The following KAZN variants were observed in gnomAD, a reference collection of about 807,000 sequenced individuals.
KAZN encodes kazrin, periplakin interacting protein.
KAZN carries 40 observed loss-of-function variants against 87.4 expected under a neutral mutation model. The ratio of observed to expected loss-of-function variants is 0.46; its 90% CI spans 0.36 to 0.60. KAZN has a LOEUF of 0.60. KAZN is among the 20% of genes least tolerant of loss of function. The pLI is 0.00. For missense variants in KAZN, 898 were observed against 1,073.9 expected (o/e 0.84, Z 2.29); for synonymous variants, 466 against 458.3 (o/e 1.02, Z -0.22).
chr1:14,387,078 G>T (rs977735206), intron 2 of KAZN, among the ~76,000 whole-genome samples: 2 of 151,962 alleles, frequency 1.3e-5, no homozygotes, highest in African/African-American at 4.8e-5. Flanking sequence ...TTCCATCGCT[G>T]ATACCCTTTC....
At chr1:14,890,930 G>A (rs189865972) in intron 1 of KAZN, among the ~76,000 whole-genome samples, 1 of 142,380 alleles carries the variant, frequency 7.0e-6, no homozygotes, top group East Asian at 2.1e-4. Flanking sequence ...TGCAAGCTCT[G>A]CCTCCCGGGT....
chr1:14,620,903 A>T (rs1425834518), intron 1 of KAZN, among the ~76,000 whole-genome samples: 1 of 152,178 alleles, frequency 6.6e-6, no homozygotes, highest in Admixed American at 6.5e-5. Flanking sequence ...TTTCCATGAA[A>T]GTGTCCCCAT....
chr1:14,383,663 C>G (rs1178808695), intron 2 of KAZN, among the ~76,000 whole-genome samples: 1 of 152,058 alleles, frequency 6.6e-6, no homozygotes, highest in East Asian at 1.9e-4. Flanking sequence ...CTGTTCTGTT[C>G]CATTGATCTC....
intron 1 of KAZN, among the ~76,000 whole-genome samples, chr1:14,659,881 TAA>T (rs1039344560): frequency 2.1e-5 from 3 of 140,086 alleles, no homozygotes; most frequent in Admixed American, 7.2e-5. Flanking sequence ...ACACATTCTT[TAA>T]AAAAAAAAAA....
chr1:15,034,528 G>A (rs914420265), intron 2 of KAZN, among the ~76,000 whole-genome samples: 1 of 152,234 alleles, frequency 6.6e-6, no homozygotes, highest in South Asian at 2.1e-4. Context: ...GATTGACACA[G>A]CTGAGAGGGG....
chr1:14,633,689 T>C (rs1468653127), intron 1 of KAZN, among the ~76,000 whole-genome samples: 1 of 152,154 alleles, frequency 6.6e-6, no homozygotes, highest in Non-Finnish European at 1.5e-5. Context: ...AGCATTAGAA[T>C]GACACACAGT....
At chr1:15,011,293 T>C (rs1400694797) in intron 2 of KAZN, among the ~76,000 whole-genome samples, 1 of 152,204 alleles carries the variant, frequency 6.6e-6, no homozygotes, top group Non-Finnish European at 1.5e-5. Flanking sequence ...ATGCTCTTGT[T>C]ATCTCTAAAT....
intron 1 of KAZN, among the ~76,000 whole-genome samples, chr1:14,891,390 A>G (rs1205971331): frequency 6.6e-6 from 1 of 152,108 alleles, no homozygotes; most frequent in Non-Finnish European, 1.5e-5. Context: ...GCTCCCACTT[A>G]TGAGTGAGAA....
chr1:14,100,516 G>C (rs1644226627), intron 1 of KAZN, among the ~76,000 whole-genome samples: 1 of 152,172 alleles, frequency 6.6e-6, no homozygotes, highest in Non-Finnish European at 1.5e-5. Flanking sequence ...GCTTCCAAGA[G>C]TCCCCTCACT....
intron 2 of KAZN, among the ~76,000 whole-genome samples, chr1:15,030,629 G>T (rs1189717295): frequency 6.6e-6 from 1 of 152,210 alleles, no homozygotes; most frequent in Admixed American, 6.5e-5. Flanking sequence ...CATGTTAGGG[G>T]GCAGGGCACA....
At chr1:14,556,441 T>C (rs1166287498) in intron 2 of KAZN, among the ~76,000 whole-genome samples, 1 of 152,114 alleles carries the variant, frequency 6.6e-6, no homozygotes, top group Admixed American at 6.5e-5. Context: ...CAGCACCCCA[T>C]TAATTCATAA....
chr1:14,236,421 G>A (rs188947343), intron 2 of KAZN, among the ~76,000 whole-genome samples: 26 of 152,276 alleles, frequency 1.7e-4, no homozygotes, highest in African/African-American at 6.3e-4. Context: ...AGATAACTCA[G>A]GGTAGGAAAA....
At chr1:13,895,168 T>C (rs1380533018) in intron 1 of KAZN, among the ~76,000 whole-genome samples, 7 of 152,174 alleles carry the variant, frequency 4.6e-5, no homozygotes, top group Non-Finnish European at 8.8e-5. Context: ...AATGGAAGCA[T>C]TGAACACACA....
intron 1 of KAZN, among the ~76,000 whole-genome samples, chr1:13,991,908 G>A (rs555769066): frequency 1.3e-5 from 2 of 152,026 alleles, no homozygotes; most frequent in African/African-American, 2.4e-5. Flanking sequence ...CCAACCCTCC[G>A]TGCCTTACAC....
chr1:14,202,584 C>G (rs1431256033), intron 2 of KAZN, among the ~76,000 whole-genome samples: 1 of 152,160 alleles, frequency 6.6e-6, no homozygotes, highest in African/African-American at 2.4e-5. Context: ...TGAAATGTCC[C>G]TTAACTTCTG....
chr1:14,313,487 G>A (rs774248924), intron 2 of KAZN, among the ~76,000 whole-genome samples: 9 of 152,184 alleles, frequency 5.9e-5, no homozygotes, highest in Non-Finnish European at 1.0e-4. Context: ...TCTATGAAGG[G>A]GTGGTGTTTA....
At chr1:14,430,315 G>A (rs535721107) in intron 2 of KAZN, among the ~76,000 whole-genome samples, 35 of 151,200 alleles carry the variant, frequency 2.3e-4, no homozygotes, top group Admixed American at 1.5e-3. Context: ...TGCTGTGTGT[G>A]TGTTGAGCCC....
chr1:13,943,349 A>T (rs1641010217), intron 1 of KAZN, among the ~76,000 whole-genome samples: 2 of 152,192 alleles, frequency 1.3e-5, no homozygotes, highest in South Asian at 4.1e-4. Context: ...CCATACCTGT[A>T]ATCCTAGCAC....
intron 1 of KAZN, among the ~76,000 whole-genome samples, chr1:14,611,794 G>A (rs1225286755): frequency 6.6e-6 from 1 of 152,118 alleles, no homozygotes; most frequent in African/African-American, 2.4e-5. Flanking sequence ...GTTCATTTTA[G>A]TGCTTCCCCT....
Sources: gnomAD v4.1 joint callset for allele counts (sites outside exome capture counted in the v4.1 genomes callset) on GRCh38, gnomAD v4.1.1 for gene constraint, MANE v1.5 for transcripts, NCBI Gene and HGNC (gene_info 2026-07-23, HGNC 2026-07-21) for gene names.